TTN: variants seen among roughly 807,000 people sequenced by gnomAD.
TTN encodes titin, also known as connectin.
A neutral mutation model predicts 3,223.0 loss-of-function variants in TTN; 1,525 were observed. The ratio of observed to expected loss-of-function variants is 0.47; its 90% CI spans 0.45 to 0.49. The LOEUF (loss-of-function observed/expected upper bound fraction) is 0.49. Ranked by LOEUF, TTN falls within the 20% of genes least tolerant of loss-of-function variation. The pLI, the probability that TTN is intolerant of heterozygous loss-of-function variation, is 0.00. For synonymous variants in TTN, 14,094 were observed against 15,161.0 expected, an observed-to-expected ratio of 0.93 and a Z score of 5.17; for missense variants, 40,786 against 43,424.0, an observed-to-expected ratio of 0.94 and a Z score of 5.40.
rs878918988 is a variant in TTN, at chr2:178,570,294, T to C, written c.75838A>G (p.Met25280Val). ...LEGNEYTFRI[M>V]AVNKYGVGEP... Reference sequence around the variant, plus strand: ...CCAACACCATATTTGTTTACTGCCATTATACGGAAAGTATATTCATTGCCT... The same window carrying C: ...CCAACACCATATTTGTTTACTGCCACTATACGGAAAGTATATTCATTGCCT... The change falls in exon 326 of 363, where the codon ATG (methionine) becomes GTG (valine). Residue 25280 changes from methionine (M) to valine (V), a missense_variant. Met to Val is a conservative substitution (Grantham distance 21). Transcript: ENST00000589042. 14 of 1,613,358 alleles carry C rather than the reference T, an allele frequency of 8.7e-6. No homozygotes were observed. The highest frequency in any genetic ancestry group is 1.2e-5 in the Non-Finnish European group (14 of 1,179,612).
At chr2:178,599,487 T>G in intron 289 of TTN, 42 bp from the exon 290 acceptor site, 1 of 1,519,634 alleles carries the variant, frequency 6.6e-7, no homozygotes, top group Non-Finnish European at 8.8e-7. Context: ...ACTCAGATGA[T>G]TTTAAAGCCA....
chr2:178,771,196 T>G lies in TTN; in HGVS notation c.8116+15A>C, dbSNP rs757445533. 27 of 1,613,660 alleles carry G rather than the reference T, an allele frequency of 1.7e-5. No homozygotes were observed. In the African/African-American group the frequency reaches 3.2e-4, roughly 19 times the overall value. ...TGTAATATGATTTGAAAAGGACAAA[T>G]CCTATGTTACTTGCCTTCAACTTTG... On this transcript the variant is annotated intron_variant, in intron 34 of 362. Transcript: ENST00000589042.
At position 178,534,717 on chromosome 2, in the gene TTN, C is replaced by T; in HGVS notation, c.101898G>A (p.Leu33966=). Residue 33966 remains leucine, a synonymous_variant, in exon 358 of 363, where the codon CTG becomes CTA. Coordinates refer to ENST00000589042, the MANE Select transcript of TTN (RefSeq NM_001267550.2). ...KIIEFGQARQ[L]KPGDNFRLLF... is the part of the protein sequence containing the mutation. The stretch of plus-strand genomic sequence containing the variant: ...GAAGCCTGAAGTTGTCCCCTGGTTT[C>T]AGCTGACGGGCTTGACCAAATTCTA... 3 of 1,613,842 alleles carry T rather than the reference C, an allele frequency of 1.9e-6. No individual in the cohort carries two copies. Among genetic ancestry groups the T allele is most frequent in the East Asian group, 4.5e-5 (2 of 44,874 alleles).
chr2:178,710,781 C>T lies in TTN; in HGVS notation c.28316G>A (p.Ser9439Asn). The T allele has an allele frequency of 1.9e-6, 3 of 1,613,908 alleles. No homozygotes were observed. The highest frequency in any genetic ancestry group is 2.5e-6 in the Non-Finnish European group (3 of 1,179,840). The change falls in exon 98 of 363, where the codon AGT (serine) becomes AAT (asparagine). Residue 9439 changes from serine to asparagine, a missense_variant. Physicochemically the swap from Ser to Asn is conservative, Grantham distance 46. Coordinates refer to ENST00000589042, the MANE Select transcript of TTN (RefSeq NM_001267550.2). ...ATAACTAATCTGGTACTTTCCGCCA[C>T]TTCGTATTTCTCTGCTGTCTTTGGC... ...SWAKDSREIR[S>N]GGKYQISYLE... is the part of the protein sequence containing the mutation.
Position 178,723,808 on chromosome 2 carries a change from G to A in TTN, c.21403+48C>T, listed in dbSNP as rs148937450. The A allele has an allele frequency of 5.1e-3, 7,875 of 1,558,238 alleles. 22 individuals are homozygous for A. The highest frequency in any genetic ancestry group is 6.0e-3 in the Non-Finnish European group (6,951 of 1,151,810). On this transcript the variant is annotated intron_variant, in intron 73 of 362. Transcript: ENST00000589042. ...TGTTTGTCAACATAGATGTGCACCT[G>A]AAGAGGAATTTGTAAGAAATTCCTT...
At chr2:178,786,286 G>T (rs1290032695) in intron 13 of TTN, 145 bp from the exon 14 acceptor site, 3 of 823,496 alleles carry the variant, frequency 3.6e-6, no homozygotes, top group Non-Finnish European at 5.8e-6. Flanking sequence ...CACTTTTAGG[G>T]ACTATTTCAT....
Position 178,739,405 on chromosome 2 carries a change from TA to T in TTN, c.13827del (p.His4609GlnfsTer4). ...GLIKEDGPMIHTPLVDTVSEE... is the reference protein window; with the variant it reads ...GLIKEDGPMIXTPLVDTVSEE... ...TCAGAAACAGTGTCCACTAAAGGTG[TA>T]TGTATCATGGGGCCATCCTCTTTGA... On this transcript the variant is annotated frameshift_variant, in exon 48 of 363. Coordinates refer to ENST00000589042, the MANE Select transcript of TTN (RefSeq NM_001267550.2). LOFTEE classifies it high-confidence loss of function. 6.2e-7 allele frequency: 1 copy of T among 1,613,876 alleles called. No individual in the cohort carries two copies. The highest frequency in any genetic ancestry group is 1.1e-5 in the South Asian group (1 of 91,086).
intron 1 of TTN, among the ~76,000 whole-genome samples, chr2:178,805,992 T>C (rs776876639): frequency 3.9e-5 from 6 of 152,224 alleles, no homozygotes; most frequent in Non-Finnish European, 8.8e-5. Flanking sequence ...TGTTCTGAAA[T>C]AGAACATTTC....
chr2:178,560,527 C>A lies in TTN; in HGVS notation c.85605G>T (p.Glu28535Asp). 6.2e-7 allele frequency: 1 copy of A among 1,613,150 alleles called. No homozygotes were observed. Residue 28535 changes from glutamate (E) to aspartate (D), a missense_variant, in exon 326 of 363, where the codon GAG becomes GAT. Glu to Asp is a conservative substitution (Grantham distance 45). Coordinates refer to ENST00000589042, the MANE Select transcript of TTN (RefSeq NM_001267550.2). ...VTGVNKYGVG[E>D]PLESVAIKAL... Reference sequence around the variant, plus strand: ...CCTTTATAGCTACACTCTCTAGGGGCTCACCAACACCATATTTATTAACAC... The same window carrying A: ...CCTTTATAGCTACACTCTCTAGGGGATCACCAACACCATATTTATTAACAC...
In TTN at chr2:178,726,001, T is replaced by G; in HGVS notation, c.20321A>C (p.Lys6774Thr). ...SSFPPIVETL[K>T]NAEVSLECEL... ...ACATTCAAGACTGACTTCAGCATTTTTAAGGGTTTCTACTATAGGAGGGAA... is the reference window on the plus strand; with the variant it reads ...ACATTCAAGACTGACTTCAGCATTTGTAAGGGTTTCTACTATAGGAGGGAA... Residue 6774 changes from lysine (K) to threonine (T), a missense_variant, in exon 70 of 363, where the codon AAA becomes ACA. Transcript: ENST00000589042. The G allele has an allele frequency of 6.3e-7, 1 of 1,595,642 alleles. No individual in the cohort carries two copies. Among genetic ancestry groups the G allele is most frequent in the Non-Finnish European group, 8.5e-7 (1 of 1,169,596 alleles).
chr2:178,549,408 A>G lies in TTN; in HGVS notation c.92218T>C (p.Trp30740Arg). Reference sequence around the variant, plus strand: ...CCACCATCTGATTCTGGCCTTGCCCATGTCAGGGTAATGCTGTTGCCTGTT... The same window carrying G: ...CCACCATCTGATTCTGGCCTTGCCCGTGTCAGGGTAATGCTGTTGCCTGTT... ...NITGNSITLT[W>R]ARPESDGGSE... Residue 30740 changes from tryptophan to arginine, a missense_variant, in exon 339 of 363, where the codon TGG becomes CGG. Physicochemically the swap from Trp to Arg is moderately radical, Grantham distance 101 (BLOSUM62 -3). Coordinates refer to ENST00000589042, the MANE Select transcript of TTN (RefSeq NM_001267550.2). 1 of 1,613,690 alleles carries G rather than the reference A, an allele frequency of 6.2e-7. No individual in the cohort carries two copies. The highest frequency in any genetic ancestry group is 1.1e-5 in the South Asian group (1 of 91,078).
At chr2:178,673,503 T>C (rs1259470745) in intron 152 of TTN, 130 bp downstream of exon 152, 3 of 591,614 alleles carry the variant, frequency 5.1e-6, no homozygotes, top group Non-Finnish European at 8.3e-6. Context: ...GAATGAGTTA[T>C]ATTTTTACTG....
intron 92 of TTN, 41 bp from the exon 93 acceptor site, chr2:178,713,413 A>AAAAC (rs1476569677): frequency 1.6e-6 from 2 of 1,242,600 alleles, no homozygotes; most frequent in East Asian, 3.1e-5. Context: ...CAAAACAAAA[A>AAAAC]AAACAAAGGA....
intron 126 of TTN, 106 bp from the exon 127 acceptor site, chr2:178,688,330 C>A: frequency 2.0e-6 from 2 of 1,011,530 alleles, no homozygotes; most frequent in South Asian, 1.4e-5. Flanking sequence ...CTGCTTAGGA[C>A]ATAGCTTCAT....
At position 178,576,290 on chromosome 2, in the gene TTN, T is replaced by C; in HGVS notation, c.69842A>G (p.Lys23281Arg). The C allele has an allele frequency of 6.2e-7, 1 of 1,600,388 alleles. No homozygotes were observed. The highest frequency in any genetic ancestry group is 8.5e-7 in the Non-Finnish European group (1 of 1,174,348). Reference protein sequence around the residue: ...EITGYVVEHQKVGDEAWIKDT... With the variant: ...EITGYVVEHQRVGDEAWIKDT... ...TTTTATCCAGGCCTCGTCTCCTACT[T>C]TTTGATGCTCCACGACATAGCCAGT... Residue 23281 changes from lysine to arginine, a missense_variant, in exon 326 of 363, where the codon AAA becomes AGA. Coordinates refer to ENST00000589042, the MANE Select transcript of TTN (RefSeq NM_001267550.2). This position sits in a 1 kb window ranked among gnomAD's most constrained non-coding sequence, Gnocchi z 4.3.
At chr2:178,703,561 T>C (rs1337567695) in intron 106 of TTN, among the ~76,000 whole-genome samples, 1 of 152,188 alleles carries the variant, frequency 6.6e-6, no homozygotes, top group Admixed American at 6.5e-5. Context: ...TCAATACAGT[T>C]TGAGGGTGTC....
Position 178,582,115 on chromosome 2 carries a change from G to A in TTN, c.66254C>T (p.Ser22085Leu), listed in dbSNP as rs2047911570. 1.2e-6 allele frequency: 2 copies of A among 1,612,720 alleles called. No homozygotes were observed. The highest frequency in any genetic ancestry group is 1.7e-5 in the Admixed American group (1 of 59,972). ...TTCAAGCAAATAGCCAGTGATGGGT[G>A]AGCCCCCATCATCTGCTGGTGGCTT... The part of the protein sequence containing the change: ...SWKPPADDGG[S>L]PITGYLLEKR... Residue 22085 changes from serine to leucine, a missense_variant, in exon 315 of 363, where the codon TCA becomes TTA. Physicochemically the swap from Ser to Leu is moderately radical, Grantham distance 145 (BLOSUM62 -2). Transcript: ENST00000589042.
chr2:178,762,348 T>C (rs2089432116), intron 43 of TTN, among the ~76,000 whole-genome samples: 1 of 152,214 alleles, frequency 6.6e-6, no homozygotes, highest in Admixed American at 6.5e-5. Context: ...GTTAATGATC[T>C]TCTCAGTTTA....
rs794729620 is a variant in TTN at position 178,727,137 on chromosome 2, T to C, written c.20228A>G (p.Gln6743Arg). 1.2e-6 allele frequency: 2 copies of C among 1,603,286 alleles called. No individual in the cohort carries two copies. Among genetic ancestry groups the C allele is most frequent in the Non-Finnish European group, 1.7e-6 (2 of 1,172,944 alleles). Residue 6743 changes from glutamine (Q) to arginine (R), a missense_variant, in exon 69 of 363, where the codon CAG becomes CGG. Physicochemically the swap from Gln to Arg is conservative, Grantham distance 43 (BLOSUM62 1). Transcript: ENST00000589042. ...GCAGCTTGTGCTGCCAGCGGGATTC[T>C]GAGCCTCACAAATGAAATCTCCACT... is the stretch of plus-strand genomic sequence containing the variant. ...EDSGDFICEA[Q>R]NPAGSTSCST...
Sources: gnomAD v4.1 joint callset for allele counts (sites outside exome capture counted in the v4.1 genomes callset) on GRCh38, gnomAD v4.1.1 for gene constraint, Gnocchi (gnomAD v3.1) non-coding constraint, MANE v1.5 for transcripts, NCBI Gene and HGNC (gene_info 2026-07-23, HGNC 2026-07-21) for gene names.